The following ZBTB49 variants were observed in gnomAD, a reference collection of about 807,000 sequenced individuals.
ZBTB49 encodes the protein zinc finger and BTB domain-containing protein 49.
Under a neutral mutation model 57.5 loss-of-function variants are expected in ZBTB49, and 43 were observed. That is an observed-to-expected ratio of 0.75 (90% CI 0.59 to 0.97). The LOEUF (loss-of-function observed/expected upper bound fraction) is 0.97, where lower values mean the gene tolerates loss of function less well. Ranked by LOEUF, ZBTB49 falls within the 50% of genes least tolerant of loss-of-function variation. ZBTB49 has a pLI of 0.00. For missense variants in ZBTB49, 938 were observed against 947.7 expected, an observed-to-expected ratio of 0.99 and a Z score of 0.13; for synonymous variants, 369 against 362.1, an observed-to-expected ratio of 1.02 and a Z score of -0.22.
At chr4:4,299,778 T>TGTGTGTGG (rs1720390900) in intron 1 of ZBTB49, 149 bp from the exon 2 acceptor site, 1 of 485,104 alleles carries the variant, frequency 2.1e-6, no homozygotes, top group Non-Finnish European at 3.6e-6. Flanking sequence ...GAAACAGAGG[T>TGTGTGTGG]GTGTGTGTGT....
intron 4 of ZBTB49, among the ~76,000 whole-genome samples, chr4:4,310,083 G>T (rs911674035): frequency 2.6e-5 from 4 of 152,128 alleles, no homozygotes; most frequent in African/African-American, 9.7e-5. Context: ...TGCTGGGTTT[G>T]TTCATGTTTA....
chr4:4,310,166 C>T (rs1720922497), intron 4 of ZBTB49, among the ~76,000 whole-genome samples: 1 of 152,218 alleles, frequency 6.6e-6, no homozygotes, highest in Non-Finnish European at 1.5e-5. Flanking sequence ...TAATTCTTCT[C>T]TACAGCATAG....
chr4:4,292,817 T>G lies in ZBTB49; in HGVS notation c.-20+2465T>G, dbSNP rs76358126. ...CATCCACAAATTCTATCCAGTAGTA[T>G]TTGACCTGTTGGTAGAATTGAGGGG... On this transcript the variant is annotated intron_variant, in intron 1 of 7. Transcript: ENST00000337872. 6.5e-3 allele frequency among the ~76,000 whole-genome samples: 997 copies of G among 152,296 alleles called. 22 individuals are homozygous for G. The highest frequency in any genetic ancestry group is 0.023 in the African/African-American group (952 of 41,566).
rs540895790 is a variant in ZBTB49 at position 4,290,650 on chromosome 4, G to C, written c.-20+298G>C. Among the ~76,000 whole-genome samples, 96 of 152,342 alleles carry C rather than the reference G, an allele frequency of 6.3e-4. 1 individual carries two copies. Among genetic ancestry groups the C allele is most frequent in the African/African-American group, 2.2e-3 (90 of 41,574 alleles). ...TCCTCGGCCTGGAAACCCCACCCGC[G>C]CCCTCTCATCTCCAGGCTTTGCCCG... On this transcript the variant is annotated intron_variant, in intron 1 of 7. Transcript: ENST00000337872.
In ZBTB49 at chr4:4,309,823, G is replaced by T. The variant is rs180765606; in HGVS notation, c.1303-3218G>T. On this transcript the variant is annotated intron_variant, in intron 4 of 7. Coordinates refer to ENST00000337872, the MANE Select transcript of ZBTB49 (RefSeq NM_145291.4). ...CATTGTCATCTCTGAGGTTATATTT[G>T]CCACACCTTTACCGTTGAATGTCCT... 2.9e-3 allele frequency among the ~76,000 whole-genome samples: 444 copies of T among 152,312 alleles called. 2 individuals carry two copies. The highest frequency in any genetic ancestry group is 0.012 in the South Asian group (59 of 4,818).
In ZBTB49 at chr4:4,321,144, T is replaced by C; in HGVS notation, c.2126T>C (p.Met709Thr). Residue 709 changes from methionine (M) to threonine (T), a missense_variant, in exon 8 of 8, where the codon ATG (methionine) becomes ACG (threonine). Around this residue, in one of 3 missense-constraint regions of ZBTB49, gnomAD observed 835 missense variants for 819.1 expected, o/e 1.02. Transcript: ENST00000337872. Reference sequence around the variant, plus strand: ...GGCGAACCACTGCAGGCCGATGGCATGGCCATGATCCGTTCCTCTCTGGCT... The same window carrying C: ...GGCGAACCACTGCAGGCCGATGGCACGGCCATGATCCGTTCCTCTCTGGCT... ...AGGEPLQADGMAMIRSSLAAL... is the reference protein window; with the variant it reads ...AGGEPLQADGTAMIRSSLAAL... 15 of 1,614,180 alleles carry C rather than the reference T, an allele frequency of 9.3e-6. No homozygotes were observed. The highest frequency in any genetic ancestry group is 1.3e-5 in the Non-Finnish European group (15 of 1,180,028).
Position 4,315,919 on chromosome 4 carries a change from A to G in ZBTB49, c.1570A>G (p.Lys524Glu). Reference protein sequence around the residue: ...KSFNMQRKLVKHRIRHTGERP... With the variant: ...KSFNMQRKLVEHRIRHTGERP... ...TTTTAATATGCAAAGGAAGTTAGTA[A>G]AGCACAGAATTCGGCACACGGGGGA... The change falls in exon 7 of 8, where the codon AAG (lysine) becomes GAG (glutamate). Residue 524 changes from lysine to glutamate, a missense_variant. Around this residue, in one of 3 missense-constraint regions of ZBTB49, gnomAD observed 835 missense variants for 819.1 expected, o/e 1.02. Coordinates refer to ENST00000337872, the MANE Select transcript of ZBTB49 (RefSeq NM_145291.4). 6.2e-7 allele frequency: 1 copy of G among 1,614,212 alleles called. No individual in the cohort carries two copies. The highest frequency in any genetic ancestry group is 2.2e-5 in the East Asian group (1 of 44,888).
In ZBTB49 at chr4:4,321,162, C is replaced by T. The variant is rs142302735; in HGVS notation, c.2144C>T (p.Ser715Phe). 1 of 1,614,230 alleles carries T rather than the reference C, an allele frequency of 6.2e-7. No individual in the cohort carries two copies. The highest frequency in any genetic ancestry group is 8.5e-7 in the Non-Finnish European group (1 of 1,180,042). Residue 715 changes from serine to phenylalanine, a missense_variant, in exon 8 of 8, where the codon TCT becomes TTT. Ser to Phe is a radical substitution (Grantham distance 155). Coordinates refer to ENST00000337872, the MANE Select transcript of ZBTB49 (RefSeq NM_145291.4). ...QADGMAMIRS[S>F]LAALDNHGGD... ...GATGGCATGGCCATGATCCGTTCCTCTCTGGCTGCTTTGGACAACCACGGC... is the reference window on the plus strand; with the variant it reads ...GATGGCATGGCCATGATCCGTTCCTTTCTGGCTGCTTTGGACAACCACGGC...
At position 4,315,790 on chromosome 4, in the gene ZBTB49, C is replaced by T. The variant is rs764656510; in HGVS notation, c.1460-19C>T. The T allele has an allele frequency of 6.8e-6, 11 of 1,613,904 alleles. No homozygotes were observed. The African/African-American group carries it at 1.2e-4, about 18-fold the overall frequency. On this transcript the variant is annotated intron_variant, in intron 6 of 7. Coordinates refer to ENST00000337872, the MANE Select transcript of ZBTB49 (RefSeq NM_145291.4). ...ATGTTCTCTGTCCTTCAGCTTAACA[C>T]CTGTTATGGTCTCTCTAGGGTTTAG...
At chr4:4,306,443 T>G (rs1376154023) in intron 4 of ZBTB49, among the ~76,000 whole-genome samples, 1 of 152,218 alleles carries the variant, frequency 6.6e-6, no homozygotes, top group East Asian at 1.9e-4. Context: ...TTAGCATATG[T>G]CTTCCGTTTC....
chr4:4,296,178 T>C (rs946226829), intron 1 of ZBTB49, among the ~76,000 whole-genome samples: 6 of 151,860 alleles, frequency 4.0e-5, no homozygotes, highest in African/African-American at 1.5e-4. Context: ...AGGATGGGAG[T>C]TGGCAGACCA....
chr4:4,318,314 T>A (rs1721271517), intron 7 of ZBTB49, among the ~76,000 whole-genome samples: 1 of 152,188 alleles, frequency 6.6e-6, no homozygotes, highest in Non-Finnish European at 1.5e-5. Context: ...AGAAATGATG[T>A]AAAGAAAGAT....
chr4:4,313,213 CA>C, intron 5 of ZBTB49, 99 bp downstream of exon 5: 1 of 1,389,088 alleles, frequency 7.2e-7, no homozygotes, highest in Non-Finnish European at 9.9e-7. Context: ...ACAGATGAGC[CA>C]CAGGTGGGCT....
chr4:4,307,399 A>G (rs1198917857), intron 4 of ZBTB49, among the ~76,000 whole-genome samples: 3 of 152,220 alleles, frequency 2.0e-5, no homozygotes, highest in Non-Finnish European at 2.9e-5. Context: ...TGGACAGTCT[A>G]GAACTGAGCT....
chr4:4,312,006 A>G (rs1720998656), intron 4 of ZBTB49, among the ~76,000 whole-genome samples: 2 of 152,142 alleles, frequency 1.3e-5, no homozygotes, highest in Non-Finnish European at 2.9e-5. Context: ...TTAACCATGA[A>G]TCTTAATCTT....
intron 1 of ZBTB49, among the ~76,000 whole-genome samples, chr4:4,296,673 G>A (rs1720217786): frequency 6.6e-6 from 1 of 152,204 alleles, no homozygotes; most frequent in African/African-American, 2.4e-5. Flanking sequence ...CACAAGGTGA[G>A]AAAGGAGTCA....
chr4:4,311,432 A>C (rs1303310160), intron 4 of ZBTB49, among the ~76,000 whole-genome samples: 1 of 152,230 alleles, frequency 6.6e-6, no homozygotes, highest in Admixed American at 6.5e-5. Flanking sequence ...TTAACTCTCC[A>C]GTATGTGTTT....
intron 4 of ZBTB49, among the ~76,000 whole-genome samples, chr4:4,307,327 TTGA>T (rs1720781683): frequency 6.6e-6 from 1 of 152,210 alleles, no homozygotes; most frequent in Admixed American, 6.5e-5. Flanking sequence ...GCCGCCATTC[TTGA>T]TGAGCCTCCG....
intron 4 of ZBTB49, among the ~76,000 whole-genome samples, chr4:4,310,018 T>C (rs1477753966): frequency 1.3e-5 from 2 of 152,138 alleles, no homozygotes; most frequent in African/African-American, 4.8e-5. Flanking sequence ...ATTCCTGACT[T>C]TTTTTTGATA....
Sources: allele counts gnomAD v4.1 joint callset (sites outside exome capture counted in the v4.1 genomes callset), GRCh38; gene constraint gnomAD v4.1.1; regional missense constraint gnomAD v4.1.1; transcripts MANE v1.5; gene names NCBI Gene and HGNC (gene_info 2026-07-23, HGNC 2026-07-21).